The following NTM variants were observed in gnomAD, a reference collection of about 807,000 sequenced individuals.
NTM encodes neurotrimin.
Under a neutral mutation model 42.1 loss-of-function variants are expected in NTM, and 13 were observed. The observed-to-expected ratio is 0.31, with a 90% CI of 0.20 to 0.49. The LOEUF is 0.49. Among genes scored for constraint, NTM ranks in the 20% least tolerant of loss-of-function variants. The pLI is 0.99. For missense variants in NTM, 373 were observed against 452.8 expected, an observed-to-expected ratio of 0.82 and a Z score of 1.60; for synonymous variants, 187 against 179.2, an observed-to-expected ratio of 1.04 and a Z score of -0.35.
intron 1 of NTM, among the ~76,000 whole-genome samples, chr11:131,781,060 G>C (rs929068202): frequency 3.3e-5 from 5 of 151,776 alleles, no homozygotes; most frequent in Non-Finnish European, 7.4e-5. Flanking sequence ...TTTCATAAAG[G>C]CAAAAAAATC....
At chr11:131,911,387 C>T (rs2054934557) in intron 1 of NTM, 177 bp from the exon 2 acceptor site, 1 of 1,581,672 alleles carries the variant, frequency 6.3e-7, no homozygotes, top group Non-Finnish European at 8.6e-7. Flanking sequence ...CGCTCAGTCC[C>T]CGCGCTCGCT....
chr11:132,169,093 A>T (rs1309524878), intron 3 of NTM, among the ~76,000 whole-genome samples: 2 of 152,016 alleles, frequency 1.3e-5, no homozygotes, highest in Non-Finnish European at 2.9e-5. Flanking sequence ...TTTGAGTCAA[A>T]GGTTATAATC....
At chr11:131,805,477 T>A (rs555619336) in intron 1 of NTM, among the ~76,000 whole-genome samples, 59 of 152,338 alleles carry the variant, frequency 3.9e-4, no homozygotes, top group Non-Finnish European at 6.9e-4. Flanking sequence ...TCGTATGATT[T>A]ACTGTTATCC....
At chr11:131,482,051 C>A (rs749768422) in intron 1 of NTM, among the ~76,000 whole-genome samples, 5 of 152,076 alleles carry the variant, frequency 3.3e-5, no homozygotes, top group African/African-American at 1.2e-4. Flanking sequence ...TTTGAGAAGG[C>A]GGTATATAAT....
intron 2 of NTM, among the ~76,000 whole-genome samples, chr11:132,029,015 A>G (rs1257868706): frequency 1.3e-5 from 2 of 151,584 alleles, no homozygotes; most frequent in South Asian, 2.1e-4. Flanking sequence ...TAGTTTTTCT[A>G]TCCTGATACT....
intron 1 of NTM, among the ~76,000 whole-genome samples, chr11:131,569,005 G>A (rs1158815998): frequency 1.3e-5 from 2 of 152,070 alleles, no homozygotes; most frequent in African/African-American, 4.8e-5. Context: ...ATCCATTACT[G>A]CAATCAACTT....
chr11:131,525,482 C>G (rs1235727422), intron 1 of NTM, among the ~76,000 whole-genome samples: 3 of 152,156 alleles, frequency 2.0e-5, no homozygotes, highest in Non-Finnish European at 4.4e-5. Flanking sequence ...GGGGCCACAC[C>G]AGCATTTAGC....
rs1346714261 is a variant in NTM, at chr11:132,334,921, C to T, written c.968-125C>T. On this transcript the variant is annotated intron_variant, in intron 8 of 8. Transcript: ENST00000683400. Reference sequence around the variant, plus strand: ...CACTTCTAATGCTGGGGCTGGAACACCATGTGTTTCACTTAGAGGGATGAC... The same window carrying T: ...CACTTCTAATGCTGGGGCTGGAACATCATGTGTTTCACTTAGAGGGATGAC... 5 of 1,471,264 alleles carry T rather than the reference C, an allele frequency of 3.4e-6. No homozygotes were observed. In the East Asian group the frequency reaches 9.3e-5, roughly 27 times the overall value. 91.1% of individuals were successfully genotyped at this position (1,471,264 alleles called of 1,614,324 possible). A position where few individuals can be genotyped will look rare whatever the true frequency, so the allele number is the denominator to read the frequency against.
At chr11:132,255,252 G>T (rs1407728153) in intron 4 of NTM, among the ~76,000 whole-genome samples, 1 of 152,000 alleles carries the variant, frequency 6.6e-6, no homozygotes, top group Non-Finnish European at 1.5e-5. Flanking sequence ...GCTCTCTTTT[G>T]GCTCTCTTTT....
chr11:132,181,568 A>C (rs2138055327), intron 3 of NTM, among the ~76,000 whole-genome samples: 1 of 152,338 alleles, frequency 6.6e-6, no homozygotes, highest in African/African-American at 2.4e-5. Context: ...GAGTTGACTA[A>C]AAATATGTTG....
At chr11:131,488,245 CT>C (rs1247319571) in intron 1 of NTM, among the ~76,000 whole-genome samples, 3 of 152,180 alleles carry the variant, frequency 2.0e-5, no homozygotes, top group African/African-American at 7.2e-5. Flanking sequence ...GCCGGGTGGT[CT>C]TTCTGCTTTT....
chr11:131,439,700 C>T (rs540593959), intron 1 of NTM, among the ~76,000 whole-genome samples: 1 of 152,300 alleles, frequency 6.6e-6, no homozygotes, highest in Non-Finnish European at 1.5e-5. Flanking sequence ...CCCGTTTTTC[C>T]AGGTACCATC....
chr11:132,087,491 G>T (rs2136354418), intron 2 of NTM, among the ~76,000 whole-genome samples: 1 of 152,064 alleles, frequency 6.6e-6, no homozygotes, highest in East Asian at 1.9e-4. Flanking sequence ...ATTGAGTTTG[G>T]GACAAAGGAA....
At chr11:132,225,872 C>A (rs1020859392) in intron 4 of NTM, among the ~76,000 whole-genome samples, 1 of 152,030 alleles carries the variant, frequency 6.6e-6, no homozygotes, top group Non-Finnish European at 1.5e-5. Flanking sequence ...GCCCCCCAAC[C>A]CCCTGACAGG....
rs560677869 is a variant in NTM at position 132,050,826 on chromosome 11, T to G, written c.168-95456T>G. 3.9e-4 allele frequency among the ~76,000 whole-genome samples: 60 copies of G among 152,318 alleles called. 1 individual carries two copies. The South Asian group carries it at 9.9e-3, about 25-fold the overall frequency. On this transcript the variant is annotated intron_variant, in intron 2 of 8. Transcript: ENST00000683400. The stretch of plus-strand genomic sequence containing the variant: ...GCTTGCAGGGCTGGCTGGTGTCTCT[T>G]CTCTTTTGGCCTTATTTGCCTGCTT...
intron 1 of NTM, among the ~76,000 whole-genome samples, chr11:131,488,308 G>T (rs1954407380): frequency 6.6e-6 from 1 of 152,194 alleles, no homozygotes; most frequent in Non-Finnish European, 1.5e-5. Flanking sequence ...TCGGAGCTCA[G>T]CTGGGTCTGA....
chr11:131,663,545 C>G (rs1235585115), intron 1 of NTM: 1 of 152,350 alleles, frequency 6.6e-6, no homozygotes, highest in East Asian at 1.9e-4. Flanking sequence ...TGCTTCTCAG[C>G]TCTGGTTCTC....
chr11:131,974,214 A>G (rs1396660744), intron 2 of NTM, among the ~76,000 whole-genome samples: 1 of 152,198 alleles, frequency 6.6e-6, no homozygotes, highest in Non-Finnish European at 1.5e-5. Flanking sequence ...GTCAAAAGTT[A>G]TATCCAGATT....
At chr11:132,178,181 ATCTCATCTCTTGCCTT>A (rs2077083998) in intron 3 of NTM, among the ~76,000 whole-genome samples, 1 of 152,140 alleles carries the variant, frequency 6.6e-6, no homozygotes. Context: ...GCTCCGCAGG[ATCTCATCTCTTGCCTT>A]AGGTCACAGA....
Sources: gnomAD v4.1 joint callset for allele counts (sites outside exome capture counted in the v4.1 genomes callset) on GRCh38, gnomAD v4.1.1 for gene constraint, MANE v1.5 for transcripts, NCBI Gene and HGNC (gene_info 2026-07-23, HGNC 2026-07-21) for gene names.